Variants in HNF4G observed in about 807,000 individuals in gnomAD.
HNF4G encodes hepatocyte nuclear factor 4-gamma.
HNF4G carries 21 observed loss-of-function variants against 50.9 expected under a neutral mutation model. The ratio of observed to expected loss-of-function variants is 0.41; its 90% CI spans 0.29 to 0.59. HNF4G has a LOEUF of 0.59. HNF4G is among the 20% of genes least tolerant of loss of function. The pLI is 0.26. For missense variants in HNF4G, 527 were observed against 559.4 expected, an observed-to-expected ratio of 0.94 and a Z score of 0.58; for synonymous variants, 198 against 185.6, an observed-to-expected ratio of 1.07 and a Z score of -0.54.
At chr8:75,514,246 T>C (rs1805832265) in intron 2 of HNF4G, among the ~76,000 whole-genome samples, 1 of 151,974 alleles carries the variant, frequency 6.6e-6, no homozygotes, top group Non-Finnish European at 1.5e-5. Context: ...TTCTTTTTTG[T>C]CTAATATTGA....
At chr8:75,490,723 A>AT (rs1429124570) in intron 2 of HNF4G, among the ~76,000 whole-genome samples, 1 of 151,958 alleles carries the variant, frequency 6.6e-6, no homozygotes, top group East Asian at 1.9e-4. Context: ...TTATTTTGTG[A>AT]TTTTCTGAAG....
intron 1 of HNF4G, among the ~76,000 whole-genome samples, chr8:75,447,156 A>T (rs1249433907): frequency 1.3e-5 from 1 of 74,794 alleles, no homozygotes; most frequent in Non-Finnish European, 2.4e-5. Context: ...ATCTTTGACA[A>T]ACCTGAGAAA....
intron 9 of HNF4G, among the ~76,000 whole-genome samples, chr8:75,562,714 T>C (rs186776410): frequency 4.2e-4 from 64 of 152,324 alleles, no homozygotes; most frequent in Admixed American, 1.1e-3. Context: ...CATTGTTACT[T>C]TCATTTTTAT....
chr8:75,492,402 AT>A (rs1215782540), intron 2 of HNF4G, among the ~76,000 whole-genome samples: 18 of 152,226 alleles, frequency 1.2e-4, no homozygotes. Context: ...TTAATGAAAG[AT>A]TAAAGGAGAA....
chr8:75,527,238 A>G (rs1228759678), intron 2 of HNF4G: 2 of 152,204 alleles, frequency 1.3e-5, no homozygotes, highest in Admixed American at 6.5e-5. Flanking sequence ...TATGTGACTT[A>G]TAGAGAAAAT....
intron 2 of HNF4G, among the ~76,000 whole-genome samples, chr8:75,515,914 C>G (rs549288122): frequency 3.9e-5 from 6 of 151,972 alleles, no homozygotes; most frequent in Non-Finnish European, 7.4e-5. Flanking sequence ...TACAGGCATG[C>G]GCCCCCATGC....
At chr8:75,548,411 A>G (rs1322328933) in intron 3 of HNF4G, among the ~76,000 whole-genome samples, 1 of 152,082 alleles carries the variant, frequency 6.6e-6, no homozygotes, top group Non-Finnish European at 1.5e-5. Flanking sequence ...GAACACTGCA[A>G]TTTTCCAAAC....
chr8:75,537,601 A>C (rs1256655874), upstream of HNF4G, among the ~76,000 whole-genome samples: 1 of 152,140 alleles, frequency 6.6e-6, no homozygotes, highest in Non-Finnish European at 1.5e-5. Flanking sequence ...GTGGAAGTAG[A>C]TAAAAGCAAA....
At chr8:75,534,114 T>C (rs1472102789) in intron 2 of HNF4G, among the ~76,000 whole-genome samples, 1 of 151,878 alleles carries the variant, frequency 6.6e-6, no homozygotes, top group African/African-American at 2.4e-5. Flanking sequence ...TTTTGCATAA[T>C]ACAGCAATTT....
chr8:75,550,174 G>A (rs1046877223), intron 3 of HNF4G, among the ~76,000 whole-genome samples: 1 of 152,114 alleles, frequency 6.6e-6, no homozygotes, highest in African/African-American at 2.4e-5. Flanking sequence ...TGCTCCAGCA[G>A]AACAAATTAC....
chr8:75,540,626 G>C (rs1806590496), intron 1 of HNF4G, among the ~76,000 whole-genome samples: 1 of 152,028 alleles, frequency 6.6e-6, no homozygotes, highest in Non-Finnish European at 1.5e-5. Context: ...AACCTCACCT[G>C]ACAGGCTAAT....
intron 1 of HNF4G, among the ~76,000 whole-genome samples, chr8:75,464,063 C>T (rs193289846): frequency 4.6e-5 from 7 of 152,138 alleles, no homozygotes; most frequent in East Asian, 1.9e-4. Context: ...TGTGAGCCAC[C>T]GTGCCCGGAC....
At chr8:75,560,492 C>G in intron 9 of HNF4G, 26 bp downstream of exon 9, 2 of 1,586,978 alleles carry the variant, frequency 1.3e-6, no homozygotes, top group Non-Finnish European at 1.7e-6. Flanking sequence ...ACTTTTCAAC[C>G]AAGATATTTC....
At chr8:75,492,783 G>A (rs569411645) in intron 2 of HNF4G, among the ~76,000 whole-genome samples, 4 of 152,166 alleles carry the variant, frequency 2.6e-5, no homozygotes, top group East Asian at 1.9e-4. Context: ...ACCACTCAAG[G>A]AAGGCCAGAA....
intron 2 of HNF4G, 46 bp from the exon 3 acceptor site, chr8:75,547,541 T>C (rs1280144285): frequency 7.6e-7 from 1 of 1,311,802 alleles, no homozygotes; most frequent in Non-Finnish European, 1.1e-6. Flanking sequence ...TTTGCTTCTT[T>C]TGTAAATTAT....
intron 1 of HNF4G, among the ~76,000 whole-genome samples, chr8:75,428,511 C>A (rs1585834377): frequency 6.6e-6 from 1 of 152,220 alleles, no homozygotes; most frequent in African/African-American, 2.4e-5. Context: ...GTATGTGATG[C>A]CATAAGACTA....
intron 5 of HNF4G, among the ~76,000 whole-genome samples, chr8:75,553,916 G>T (rs1227829176): frequency 2.6e-5 from 4 of 152,034 alleles, no homozygotes; most frequent in Non-Finnish European, 5.9e-5. Context: ...GTACTATAAA[G>T]ATAAGTATTT....
rs140634043 is a variant in HNF4G at position 75,466,152 on chromosome 8, A to G, written c.-143-23937A>G. On this transcript the variant is annotated intron_variant, in intron 1 of 10. Coordinates refer to the HNF4G transcript ENST00000354370. ...TGCAAATATGTTTCTGAGACTTTAA[A>G]CACCACATTGTCTAACTTCATAATG... Among the ~76,000 whole-genome samples the G allele has an allele frequency of 4.9e-4, 75 of 152,286 alleles. 1 individual carries two copies. Among genetic ancestry groups the G allele is most frequent in the African/African-American group, 1.8e-3 (73 of 41,558 alleles).
intron 1 of HNF4G, among the ~76,000 whole-genome samples, chr8:75,449,740 C>T (rs1023617767): frequency 2.6e-5 from 4 of 151,918 alleles, no homozygotes; most frequent in South Asian, 2.1e-4. Context: ...ATCTCCTGAC[C>T]TCGTGATCCG....
Sources: gnomAD v4.1 joint callset for allele counts (sites outside exome capture counted in the v4.1 genomes callset) on GRCh38, gnomAD v4.1.1 for gene constraint, MANE v1.5 for transcripts, NCBI Gene and HGNC (gene_info 2026-07-23, HGNC 2026-07-21) for gene names.